SIK3: variants seen among roughly 807,000 people sequenced by gnomAD.
SIK3 encodes the protein serine/threonine-protein kinase SIK3.
Under a neutral mutation model 144.2 loss-of-function variants are expected in SIK3, and 28 were observed. The observed-to-expected ratio is 0.19, with a 90% CI of 0.14 to 0.27. The LOEUF is 0.27. Among genes scored for constraint, SIK3 ranks in the 10% least tolerant of loss-of-function variants. The pLI is 1.00. For missense variants in SIK3, 1,319 were observed against 1,776.0 expected, an observed-to-expected ratio of 0.74 and a Z score of 4.62; for synonymous variants, 686 against 676.3, an observed-to-expected ratio of 1.01 and a Z score of -0.22.
At position 117,098,320 on chromosome 11, in the gene SIK3, C is replaced by A; in HGVS notation, c.96G>T (p.Pro32=). The change falls in exon 1 of 25, where the codon CCG becomes CCT. Residue 32 remains proline (P), a synonymous_variant. Transcript: ENST00000445177. ...CGGCAGCGGGGGCGGCTGGGGACCC[C>A]GGCGCGGGCGGAGGCAGCAGGCGGC... ...PAGRLLPPPA[P]GSPAAPAAVS... is the part of the protein sequence containing the mutation. The A allele has an allele frequency of 2.6e-6, 3 of 1,157,236 alleles. No homozygotes were observed. Among genetic ancestry groups the A allele is most frequent in the Non-Finnish European group, 3.2e-6 (3 of 943,358 alleles). 71.7% of individuals were successfully genotyped at this position (1,157,236 alleles called of 1,614,324 possible).
At chr11:117,000,473 T>C (rs1490468647) in intron 1 of SIK3, among the ~76,000 whole-genome samples, 1 of 152,226 alleles carries the variant, frequency 6.6e-6, no homozygotes, top group Non-Finnish European at 1.5e-5. Context: ...CACAGTTCTG[T>C]CATGAAGCCA....
intron 1 of SIK3, among the ~76,000 whole-genome samples, chr11:117,031,181 C>A (rs561684952): frequency 4.2e-4 from 64 of 152,080 alleles, no homozygotes; most frequent in Non-Finnish European, 8.4e-4. Flanking sequence ...CCAATTTTTC[C>A]TTTTCTAGAT....
chr11:116,994,775 A>G (rs534293980), intron 1 of SIK3, among the ~76,000 whole-genome samples: 10 of 152,108 alleles, frequency 6.6e-5, no homozygotes, highest in Non-Finnish European at 1.3e-4. Context: ...AGGCTCTCTA[A>G]AAGTTTTCCC....
chr11:116,854,829 G>A (rs920608061), intron 21 of SIK3, among the ~76,000 whole-genome samples: 41 of 152,106 alleles, frequency 2.7e-4, no homozygotes, highest in African/African-American at 9.2e-4. Flanking sequence ...GGTGGCTCAT[G>A]CCTGTAATCC....
intron 15 of SIK3, among the ~76,000 whole-genome samples, chr11:116,865,599 AT>A (rs573652895): frequency 1.3e-5 from 2 of 152,298 alleles, no homozygotes; most frequent in Non-Finnish European, 2.9e-5. Context: ...GTTTAAAAAA[AT>A]TTTTTAGTTA....
At chr11:117,049,178 T>C (rs1376107535) in intron 1 of SIK3, among the ~76,000 whole-genome samples, 2 of 152,132 alleles carry the variant, frequency 1.3e-5, no homozygotes, top group East Asian at 3.9e-4. Context: ...TTTTTAGGGG[T>C]TGTCAACTCT....
intron 19 of SIK3, among the ~76,000 whole-genome samples, chr11:116,860,243 C>CAAA (rs199929948): frequency 9.0e-6 from 1 of 111,392 alleles, no homozygotes; most frequent in Non-Finnish European, 1.9e-5. Flanking sequence ...GACTCCATCT[C>CAAA]AAAAAAAAAA....
At position 116,849,316 on chromosome 11, in the gene SIK3, G is replaced by A. The variant is rs1565354263; in HGVS notation, c.3656-33C>T. 6 of 1,612,636 alleles carry A rather than the reference G, an allele frequency of 3.7e-6. No homozygotes were observed. The highest frequency in any genetic ancestry group is 2.7e-5 in the African/African-American group (2 of 74,896). ...GACACAGCAGAATAGAGTCAGTGGG[G>A]CGGAACTTCTCCCAGCACTGGAAAC... On this transcript the variant is annotated intron_variant, in intron 21 of 24. Transcript: ENST00000445177. The surrounding 1 kb of genome is among the most constrained non-coding windows in gnomAD (Gnocchi z 4.2).
chr11:116,927,425 T>C (rs1239405625), intron 3 of SIK3, 45 bp from the exon 4 acceptor site: 4 of 1,588,282 alleles, frequency 2.5e-6, no homozygotes, highest in East Asian at 4.5e-5. Context: ...TGGACACTTG[T>C]GTAATTTCAA....
At chr11:116,991,358 A>C (rs190844125) in intron 1 of SIK3, among the ~76,000 whole-genome samples, 1 of 152,300 alleles carries the variant, frequency 6.6e-6, no homozygotes, top group East Asian at 1.9e-4. Context: ...GAGGCATGAG[A>C]ATCACTTGAA....
intron 3 of SIK3, among the ~76,000 whole-genome samples, chr11:116,948,312 C>G (rs891098118): frequency 6.6e-6 from 1 of 151,922 alleles, no homozygotes; most frequent in Admixed American, 6.6e-5. Flanking sequence ...GGGTCTTGCT[C>G]TGTTGCCCAG....
Position 117,087,727 on chromosome 11 carries a change from T to C in SIK3, c.273+10416A>G, listed in dbSNP as rs138353582. Among the ~76,000 whole-genome samples, 550 of 152,278 alleles carry C rather than the reference T, an allele frequency of 3.6e-3. 3 individuals are homozygous for C. Among genetic ancestry groups the C allele is most frequent in the African/African-American group, 0.013 (527 of 41,548 alleles). ...CTAGTGCAGCCTTTCTGGAAAGCAA[T>C]GTGGCAATATACATATTAGGTGCCG... On this transcript the variant is annotated intron_variant, in intron 1 of 24. Coordinates refer to ENST00000445177, the MANE Select transcript of SIK3 (RefSeq NM_001366686.3).
intron 1 of SIK3, among the ~76,000 whole-genome samples, chr11:116,961,374 T>A (rs1949342641): frequency 6.6e-6 from 1 of 152,110 alleles, no homozygotes; most frequent in African/African-American, 2.4e-5. Context: ...AACTGCCAAG[T>A]CAGACAGCAG....
intron 1 of SIK3, among the ~76,000 whole-genome samples, chr11:117,035,242 T>C (rs1174100193): frequency 2.0e-5 from 3 of 152,136 alleles, no homozygotes; most frequent in Non-Finnish European, 1.5e-5. Context: ...ACTGAGTGAA[T>C]AAAAGGCAGA....
At chr11:117,021,928 C>CA (rs71037444) in intron 1 of SIK3, among the ~76,000 whole-genome samples, 1,566 of 58,790 alleles carry the variant, frequency 0.027, 252 homozygotes, top group Non-Finnish European at 0.041. Context: ...TCTGTCTCTA[C>CA]AAAAAAAAAA....
intron 1 of SIK3, among the ~76,000 whole-genome samples, chr11:116,973,901 A>T (rs1325716356): frequency 6.6e-6 from 1 of 152,218 alleles, no homozygotes; most frequent in African/African-American, 2.4e-5. Context: ...GTCACAGCTA[A>T]GAGAAACCTA....
intron 1 of SIK3, among the ~76,000 whole-genome samples, chr11:117,041,516 T>C (rs1952741955): frequency 6.6e-6 from 1 of 152,222 alleles, no homozygotes. Flanking sequence ...CAATGAGGGA[T>C]ACTAGTGTTC....
intron 3 of SIK3, among the ~76,000 whole-genome samples, chr11:116,936,494 A>G (rs903036622): frequency 2.0e-5 from 3 of 152,154 alleles, no homozygotes; most frequent in Non-Finnish European, 4.4e-5. Context: ...CGTTCTCTTT[A>G]TCTTCCTGCT....
At chr11:116,985,431 A>G (rs901400161) in intron 1 of SIK3, among the ~76,000 whole-genome samples, 3 of 152,254 alleles carry the variant, frequency 2.0e-5, no homozygotes, top group Non-Finnish European at 2.9e-5. Context: ...ATATAAATTC[A>G]TTACAGCCTA....
Sources: allele counts gnomAD v4.1 joint callset (sites outside exome capture counted in the v4.1 genomes callset), GRCh38; gene constraint gnomAD v4.1.1; non-coding constraint Gnocchi (gnomAD v3.1); transcripts MANE v1.5; gene names NCBI Gene and HGNC (gene_info 2026-07-23, HGNC 2026-07-21).